RABGAP1: variants seen among roughly 807,000 people sequenced by gnomAD.
RABGAP1 encodes the protein RAB GTPase activating protein 1.
RABGAP1 carries 23 observed loss-of-function variants against 137.6 expected under a neutral mutation model. That is an observed-to-expected ratio of 0.17 (90% CI 0.12 to 0.24). RABGAP1 has a LOEUF of 0.24. RABGAP1 is among the 10% of genes least tolerant of loss of function. The pLI is 1.00. For synonymous variants in RABGAP1, 451 were observed against 450.7 expected, an observed-to-expected ratio of 1.00 and a Z score of -0.01; for missense variants, 906 against 1,275.8, an observed-to-expected ratio of 0.71 and a Z score of 4.42.
At chr9:123,008,656 C>T (rs1288211771) in intron 10 of RABGAP1, among the ~76,000 whole-genome samples, 3 of 151,596 alleles carry the variant, frequency 2.0e-5, no homozygotes, top group Non-Finnish European at 4.4e-5. Context: ...AATTCTCTTT[C>T]TTATTAAAGT....
At chr9:122,985,306 C>G (rs1228493247) in intron 3 of RABGAP1, among the ~76,000 whole-genome samples, 1 of 152,128 alleles carries the variant, frequency 6.6e-6, no homozygotes, top group Non-Finnish European at 1.5e-5. Context: ...ATAATTGTAA[C>G]AGTGCAGCTC....
At chr9:122,977,155 ATT>A (rs1302358001) in intron 2 of RABGAP1, among the ~76,000 whole-genome samples, 2 of 152,228 alleles carry the variant, frequency 1.3e-5, no homozygotes, top group Non-Finnish European at 2.9e-5. Flanking sequence ...AAGACTGGCA[ATT>A]ATAAGTTGAA....
chr9:123,001,567 G>A (rs1170095295), intron 10 of RABGAP1, among the ~76,000 whole-genome samples: 1 of 152,166 alleles, frequency 6.6e-6, no homozygotes, highest in African/African-American at 2.4e-5. Flanking sequence ...CTGAGTCCCA[G>A]CACTATTCTC....
chr9:122,989,528 G>T (rs1214660848), intron 5 of RABGAP1, 57 bp downstream of exon 5: 1 of 1,516,082 alleles, frequency 6.6e-7, no homozygotes, highest in Non-Finnish European at 9.1e-7. Flanking sequence ...CCCTCACTAG[G>T]TTGAAATGAT....
At chr9:123,043,740 T>G (rs989542931) in intron 13 of RABGAP1, among the ~76,000 whole-genome samples, 1 of 151,940 alleles carries the variant, frequency 6.6e-6, no homozygotes, top group African/African-American at 2.4e-5. Flanking sequence ...AAATAGCAAC[T>G]TAAGCATTTT....
Position 123,028,207 on chromosome 9 carries a change from C to T in RABGAP1, c.1794+7748C>T, listed in dbSNP as rs868757226. ...CTTGAAAGATCTTTCAACTTAGAAG[C>T]AGAATTGCCTTTTGTTTCATTGGAC... On this transcript the variant is annotated intron_variant, in intron 13 of 25. Coordinates refer to ENST00000373647, the MANE Select transcript of RABGAP1 (RefSeq NM_012197.4). Among the ~76,000 whole-genome samples, 4 of 152,270 alleles carry T rather than the reference C, an allele frequency of 2.6e-5. No individual in the cohort carries two copies. In the Middle Eastern group the frequency reaches 0.01, roughly 388 times the overall value.
chr9:122,939,504 A>G (rs983669877), upstream of RABGAP1: 5 of 151,992 alleles, frequency 3.3e-5, no homozygotes, highest in Admixed American at 2.0e-4. Flanking sequence ...TTTAAATGCA[A>G]TGTTTTCTTT....
chr9:123,051,287 G>T (rs2033458405), intron 13 of RABGAP1, among the ~76,000 whole-genome samples: 1 of 114,796 alleles, frequency 8.7e-6, no homozygotes, highest in Non-Finnish European at 1.7e-5. Context: ...CACTCTTACT[G>T]CCCAGGCTGG....
At chr9:123,027,870 G>A (rs2032070347) in intron 13 of RABGAP1, among the ~76,000 whole-genome samples, 1 of 152,216 alleles carries the variant, frequency 6.6e-6, no homozygotes, top group Non-Finnish European at 1.5e-5. Context: ...AATAGTGGCT[G>A]GTGGATGTTA....
chr9:123,076,129 T>C, intron 17 of RABGAP1, 116 bp from the exon 18 acceptor site: 1 of 1,062,954 alleles, frequency 9.4e-7, no homozygotes, highest in South Asian at 1.5e-5. Context: ...TCTGAGATAA[T>C]GCATTTCCTT....
chr9:122,943,924 G>A (rs1274277848), intron 1 of RABGAP1, among the ~76,000 whole-genome samples: 1 of 152,104 alleles, frequency 6.6e-6, no homozygotes, highest in Middle Eastern at 3.2e-3. Context: ...CTGCACTCCA[G>A]CCTGGGCGAC....
chr9:123,001,173 C>T (rs1837307889), intron 10 of RABGAP1, among the ~76,000 whole-genome samples: 1 of 152,042 alleles, frequency 6.6e-6, no homozygotes, highest in Non-Finnish European at 1.5e-5. Flanking sequence ...TTTAACCAGA[C>T]TTTTACATAC....
chr9:122,972,523 G>A (rs1277017284), intron 2 of RABGAP1, among the ~76,000 whole-genome samples: 1 of 152,102 alleles, frequency 6.6e-6, no homozygotes, highest in African/African-American at 2.4e-5. Context: ...AAGGCCCTTG[G>A]GGCTGTGGGT....
chr9:123,023,245 A>G (rs930574830), intron 13 of RABGAP1, among the ~76,000 whole-genome samples: 1 of 152,092 alleles, frequency 6.6e-6, no homozygotes, highest in African/African-American at 2.4e-5. Context: ...CAGTGGCATG[A>G]TCTCAGCTCA....
At chr9:122,972,860 G>A (rs1208072871) in intron 2 of RABGAP1, among the ~76,000 whole-genome samples, 1 of 151,872 alleles carries the variant, frequency 6.6e-6, no homozygotes, top group East Asian at 1.9e-4. Context: ...GTATGGCCGG[G>A]CGTGATGGCT....
chr9:122,978,494 C>T (rs1835880666), intron 2 of RABGAP1, among the ~76,000 whole-genome samples: 1 of 152,074 alleles, frequency 6.6e-6, no homozygotes, highest in South Asian at 2.1e-4. Flanking sequence ...TGCAGCCGGG[C>T]ATTGGTGGCT....
At position 122,950,377 on chromosome 9, in the gene RABGAP1, C is replaced by CTTTTTTTTTTTTT. The variant is rs200424486; in HGVS notation, c.-49-6624_-49-6612dup. ...CTTTTTTTTCTTTTTCTTTTTCTTT[C>CTTTTTTTTTTTTT]TTTTTTTTTTTTTTTTTTTTTTGAT... On this transcript the variant is annotated intron_variant, in intron 1 of 25. Transcript: ENST00000373647. Among the ~76,000 whole-genome samples the CTTTTTTTTTTTTT allele has an allele frequency of 5.5e-3, 406 of 74,422 alleles. 1 individual carries two copies. Among genetic ancestry groups the CTTTTTTTTTTTTT allele is most frequent in the East Asian group, 0.019 (35 of 1,840 alleles). The allele number at this position is 74,422 out of a possible 152,430, so 48.8% of individuals were successfully genotyped here. A position where few individuals can be genotyped will look rare whatever the true frequency, so the allele number is the denominator to read the frequency against.
chr9:123,063,623 G>C (rs2034062229), intron 13 of RABGAP1, among the ~76,000 whole-genome samples: 1 of 152,172 alleles, frequency 6.6e-6, no homozygotes, highest in African/African-American at 2.4e-5. Flanking sequence ...GCACTGCCCT[G>C]AGGGCTAGTA....
rs1239322441 is a variant in RABGAP1 at position 123,081,274 on chromosome 9, G to C, written c.2424+4512G>C. ...AGCCATTAGTAAGTAAATTCTGGGG[G>C]AGTCAGAAGTTACACGTGGATTTTC... is the stretch of plus-strand genomic sequence containing the variant. On this transcript the variant is annotated intron_variant, in intron 19 of 25. Coordinates refer to ENST00000373647, the MANE Select transcript of RABGAP1 (RefSeq NM_012197.4). Among the ~76,000 whole-genome samples the C allele has an allele frequency of 2.0e-5, 3 of 152,160 alleles. No individual in the cohort carries two copies. The East Asian group carries it at 5.8e-4, about 29-fold the overall frequency.
Sources: gnomAD v4.1 joint callset for allele counts (sites outside exome capture counted in the v4.1 genomes callset) on GRCh38, gnomAD v4.1.1 for gene constraint, MANE v1.5 for transcripts, NCBI Gene and HGNC (gene_info 2026-07-23, HGNC 2026-07-21) for gene names.